The following PRELID2 variants were observed in gnomAD, a reference collection of about 807,000 sequenced individuals.
PRELID2 encodes PRELI domain containing 2, also known as PRELI domain-containing protein 2.
A neutral mutation model predicts 28.4 loss-of-function variants in PRELID2; 25 were observed. The observed-to-expected ratio is 0.88, with a 90% CI of 0.64 to 1.23. PRELID2 has a LOEUF of 1.23. Among genes scored for constraint, PRELID2 ranks in the 50% most tolerant of loss-of-function variants. PRELID2 has a pLI of 0.00. For missense variants in PRELID2, 201 were observed against 214.4 expected (o/e 0.94, Z 0.39); for synonymous variants, 76 against 71.6 (o/e 1.06, Z -0.31).
chr5:145,476,816 C>G (rs138740560), intron 1 of PRELID2, among the ~76,000 whole-genome samples: 1 of 151,914 alleles, frequency 6.6e-6, no homozygotes, highest in African/African-American at 2.4e-5. Flanking sequence ...TCCCCAAAAG[C>G]GCACAGAGGA....
At chr5:145,671,900 C>T (rs1754714301) in intron 1 of PRELID2, among the ~76,000 whole-genome samples, 1 of 152,036 alleles carries the variant, frequency 6.6e-6, no homozygotes, top group Non-Finnish European at 1.5e-5. Flanking sequence ...AATGTTATTG[C>T]AATCAAAGAA....
At chr5:145,712,270 C>T (rs1755715397) in intron 1 of PRELID2, among the ~76,000 whole-genome samples, 1 of 152,188 alleles carries the variant, frequency 6.6e-6, no homozygotes, top group Admixed American at 6.5e-5. Flanking sequence ...AAACTCATCA[C>T]TTCCTAATGA....
the PRELID2 span, among the ~76,000 whole-genome samples, chr5:145,446,356 G>A: frequency 6.6e-6 from 1 of 152,034 alleles, no homozygotes; most frequent in African/African-American, 2.4e-5. Context: ...AAAAAGTGAC[G>A]GGTTGGGGAG....
At chr5:145,500,385 C>T (rs1006122131) in intron 1 of PRELID2, among the ~76,000 whole-genome samples, 13 of 151,920 alleles carry the variant, frequency 8.6e-5, no homozygotes, top group African/African-American at 3.1e-4. Context: ...TGAGGCCTCC[C>T]CGGAAGCAGA....
At chr5:145,748,141 T>C (rs1002746286) in intron 1 of PRELID2, among the ~76,000 whole-genome samples, 3 of 152,172 alleles carry the variant, frequency 2.0e-5, no homozygotes, top group African/African-American at 7.2e-5. Flanking sequence ...CAACATAGTA[T>C]TGGAAGTTCT....
the PRELID2 span, among the ~76,000 whole-genome samples, chr5:145,278,163 C>T: frequency 6.6e-6 from 1 of 152,150 alleles, no homozygotes; most frequent in Non-Finnish European, 1.5e-5. Flanking sequence ...TTTGTTCCCT[C>T]TTGAGTTCTC....
At chr5:145,264,066 A>T in the PRELID2 span, among the ~76,000 whole-genome samples, 1 of 152,266 alleles carries the variant, frequency 6.6e-6, no homozygotes, top group Non-Finnish European at 1.5e-5. Flanking sequence ...ACTCTATCAG[A>T]TATTCAAAGA....
At chr5:145,791,885 AAC>A (rs945641567) in intron 5 of PRELID2, among the ~76,000 whole-genome samples, 2 of 152,184 alleles carry the variant, frequency 1.3e-5, no homozygotes, top group African/African-American at 4.8e-5. Context: ...AACGTTAGCT[AAC>A]ACACTGTCAA....
At chr5:145,324,613 C>CA in the PRELID2 span, among the ~76,000 whole-genome samples, 2 of 152,100 alleles carry the variant, frequency 1.3e-5, no homozygotes, top group South Asian at 2.1e-4. Flanking sequence ...AAGAACATCA[C>CA]AAAAAATAAC....
At chr5:145,572,867 C>G (rs1050380562) in intron 1 of PRELID2, among the ~76,000 whole-genome samples, 1 of 152,154 alleles carries the variant, frequency 6.6e-6, no homozygotes, top group Non-Finnish European at 1.5e-5. Context: ...TAGTTCCTCT[C>G]TTAGCAGAGT....
rs145871726 is a variant in PRELID2, at chr5:145,522,512, A to G, written n.71-49197T>C. On this transcript the variant is annotated intron_variant and non_coding_transcript_variant, in intron 1 of 2. Transcript: ENST00000510259. ...GAAGAGTTCATGTTTTCACTTCTGT[A>G]TAGTATTTCATTATATGAATATACT... 3.9e-5 allele frequency among the ~76,000 whole-genome samples: 6 copies of G among 152,310 alleles called. No homozygotes were observed. In the East Asian group the frequency reaches 1.2e-3, roughly 29 times the overall value.
intron 1 of PRELID2, among the ~76,000 whole-genome samples, chr5:145,525,121 G>A (rs1752596445): frequency 6.6e-6 from 1 of 152,202 alleles, no homozygotes; most frequent in South Asian, 2.1e-4. Flanking sequence ...CAGTCAGGTT[G>A]TATTATTTCA....
intron 1 of PRELID2, among the ~76,000 whole-genome samples, chr5:145,527,135 C>T (rs1210764032): frequency 1.3e-5 from 2 of 152,142 alleles, no homozygotes; most frequent in Non-Finnish European, 2.9e-5. Flanking sequence ...AAGGAAATGG[C>T]TGTGTCTATA....
At chr5:145,642,502 A>C (rs1352575397) in intron 1 of PRELID2, among the ~76,000 whole-genome samples, 2 of 152,224 alleles carry the variant, frequency 1.3e-5, no homozygotes, top group African/African-American at 2.4e-5. Context: ...TTTGCTGTGC[A>C]GAAGCTCTTT....
intron 1 of PRELID2, among the ~76,000 whole-genome samples, chr5:145,741,979 A>C (rs1417146492): frequency 0.036 from 1,277 of 35,824 alleles, 38 homozygotes; most frequent in African/African-American, 0.089. Flanking sequence ...AATTTATTTA[A>C]TTATAATAAA....
chr5:145,367,981 A>AT, the PRELID2 span, among the ~76,000 whole-genome samples: 1 of 151,920 alleles, frequency 6.6e-6, no homozygotes, highest in Admixed American at 6.6e-5. Flanking sequence ...ATATGATACA[A>AT]TTATGTTTGG....
chr5:145,685,028 C>T (rs1341851644), intron 1 of PRELID2, among the ~76,000 whole-genome samples: 1 of 152,152 alleles, frequency 6.6e-6, no homozygotes, highest in Admixed American at 6.5e-5. Flanking sequence ...AATTAATCAT[C>T]AAGTCTTGTT....
At chr5:145,602,620 A>G (rs537478431) in intron 1 of PRELID2, among the ~76,000 whole-genome samples, 3 of 152,116 alleles carry the variant, frequency 2.0e-5, no homozygotes, top group Non-Finnish European at 2.9e-5. Context: ...AGAAACCATA[A>G]AAGTTGCCAT....
intron 1 of PRELID2, among the ~76,000 whole-genome samples, chr5:145,632,284 CA>C (rs1316047709): frequency 6.6e-6 from 1 of 152,158 alleles, no homozygotes. Flanking sequence ...CAGAATTTAA[CA>C]ATATTTATCA....
Sources: gnomAD v4.1 joint callset for allele counts (sites outside exome capture counted in the v4.1 genomes callset) on GRCh38, gnomAD v4.1.1 for gene constraint, MANE v1.5 for transcripts, NCBI Gene and HGNC (gene_info 2026-07-23, HGNC 2026-07-21) for gene names.